SCN3A: variants seen among roughly 807,000 people sequenced by gnomAD.
SCN3A encodes the protein sodium channel protein type 3 subunit alpha.
In SCN3A, 60 loss-of-function variants were observed where a neutral mutation model predicts 187.6. The ratio of observed to expected loss-of-function variants is 0.32; its 90% CI spans 0.26 to 0.40. SCN3A has a LOEUF of 0.40. Ranked by LOEUF, SCN3A falls within the 10% of genes least tolerant of loss-of-function variation. SCN3A has a pLI of 1.00. For missense variants in SCN3A, 1,601 were observed against 2,428.2 expected (o/e 0.66, Z 7.16); for synonymous variants, 788 against 829.2 (o/e 0.95, Z 0.85).
intron 21 of SCN3A, among the ~76,000 whole-genome samples, chr2:165,103,108 T>G (rs1685684492): frequency 6.6e-6 from 1 of 152,214 alleles, no homozygotes; most frequent in Admixed American, 6.5e-5. Flanking sequence ...TTAACTGATG[T>G]GAAAAAATAT....
Position 165,176,141 on chromosome 2 carries a change from A to G in SCN3A, c.254T>C (p.Ile85Thr). ...AAAATCAATACTCACTTTCTTATTGATATAGTAGGGATCCAGGTCCTCCAG... is the reference window on the plus strand; with the variant it reads ...AAAATCAATACTCACTTTCTTATTGGTATAGTAGGGATCCAGGTCCTCCAG... ...EPLEDLDPYY[I>T]NKKTFIVMNK... is the part of the protein sequence containing the mutation. The change falls in exon 3 of 28, where the codon ATC (isoleucine) becomes ACC (threonine). Residue 85 changes from isoleucine to threonine, a missense_variant. Transcript: ENST00000283254. 1 of 1,613,430 alleles carries G rather than the reference A, an allele frequency of 6.2e-7. No individual in the cohort carries two copies. Among genetic ancestry groups the G allele is most frequent in the Non-Finnish European group, 8.5e-7 (1 of 1,179,464 alleles).
chr2:165,170,338 G>T (rs975501971), intron 4 of SCN3A, 92 bp downstream of exon 4: 1 of 812,462 alleles, frequency 1.2e-6, no homozygotes, highest in African/African-American at 1.7e-5. Context: ...TAATCTCAAA[G>T]AAATTTTACA....
Position 165,096,467 on chromosome 2 carries a change from A to G in SCN3A, c.4293T>C (p.Asp1431=), listed in dbSNP as rs1217716822. ...DIMYAAVDSR[D]VKLQPVYEEN... ...TAAATAATATTTGAGTGATACTTAC[A>G]TCTCGTGAATCAACAGCTGCATACA... Residue 1431 remains aspartate (D), a splice_region_variant and synonymous_variant, in exon 24 of 28, where the codon GAT becomes GAC. Coordinates refer to ENST00000283254, the MANE Select transcript of SCN3A (RefSeq NM_006922.4). The G allele has an allele frequency of 6.2e-7, 1 of 1,608,334 alleles. No individual in the cohort carries two copies. Among genetic ancestry groups the G allele is most frequent in the Non-Finnish European group, 8.5e-7 (1 of 1,175,006 alleles).
chr2:165,135,438 G>A (rs987450079), intron 15 of SCN3A, among the ~76,000 whole-genome samples: 1 of 152,032 alleles, frequency 6.6e-6, no homozygotes, highest in Non-Finnish European at 1.5e-5. Context: ...AGAACATAAA[G>A]CAGTATGCAA....
chr2:165,116,215 A>G (rs1346822903), intron 18 of SCN3A, among the ~76,000 whole-genome samples: 3 of 152,158 alleles, frequency 2.0e-5, no homozygotes, highest in Admixed American at 6.5e-5. Context: ...ACTGAATTCA[A>G]TACTTGTCAA....
Position 165,098,017 on chromosome 2 carries a change from T to G in SCN3A, c.3967-493A>C, listed in dbSNP as rs189122797. ...TTTTTATGACTACGAAGAACAGGAT[T>G]AGGAATTTACTGGGTCCCTTTTTCC... is the stretch of plus-strand genomic sequence containing the variant. On this transcript the variant is annotated intron_variant, in intron 22 of 27. Coordinates refer to ENST00000283254, the MANE Select transcript of SCN3A (RefSeq NM_006922.4). Among the ~76,000 whole-genome samples, 11 of 152,308 alleles carry G rather than the reference T, an allele frequency of 7.2e-5. No individual in the cohort carries two copies. In the East Asian group the frequency reaches 2.1e-3, roughly 29 times the overall value.
At chr2:165,150,558 C>T (rs1485893866) in intron 11 of SCN3A, among the ~76,000 whole-genome samples, 1 of 152,136 alleles carries the variant, frequency 6.6e-6, no homozygotes, top group Non-Finnish European at 1.5e-5. Flanking sequence ...AAAGCTGAAT[C>T]AAATTGTGAT....
At chr2:165,102,379 G>A (rs1405985549) in intron 21 of SCN3A, among the ~76,000 whole-genome samples, 1 of 152,156 alleles carries the variant, frequency 6.6e-6, no homozygotes, top group African/African-American at 2.4e-5. Context: ...AGCCAGGGAT[G>A]GTGGCTCGCA....
At chr2:165,165,274 A>C (rs75878187) in intron 5 of SCN3A, among the ~76,000 whole-genome samples, 3,992 of 150,656 alleles carry the variant, frequency 0.026, 71 homozygotes, top group Non-Finnish European at 0.042. Context: ...GTGCATGAGC[A>C]TGCTGTATAG....
At chr2:165,195,008 T>C (rs1691859168) in intron 1 of SCN3A, 1 of 152,162 alleles carries the variant, frequency 6.6e-6, no homozygotes, top group Non-Finnish European at 1.5e-5. Flanking sequence ...AAAAGGTCTC[T>C]GCACATAAGG....
chr2:165,125,619 G>T (rs1409181236), intron 18 of SCN3A, among the ~76,000 whole-genome samples: 1 of 152,096 alleles, frequency 6.6e-6, no homozygotes, highest in Admixed American at 6.5e-5. Context: ...ACCCAGCCAG[G>T]ATTAAAGTTT....
At chr2:165,142,581 G>C (rs1200348903) in intron 12 of SCN3A, among the ~76,000 whole-genome samples, 2 of 152,328 alleles carry the variant, frequency 1.3e-5, no homozygotes, top group Admixed American at 1.3e-4. Flanking sequence ...AGACAATAGA[G>C]TGATTTTACA....
At chr2:165,178,077 C>T (rs888542059) in intron 2 of SCN3A, among the ~76,000 whole-genome samples, 5 of 152,094 alleles carry the variant, frequency 3.3e-5, no homozygotes, top group Admixed American at 2.0e-4. Flanking sequence ...TTTGAGCTTA[C>T]AATCAGAAGC....
At chr2:165,175,523 C>T (rs1392889468) in intron 3 of SCN3A, among the ~76,000 whole-genome samples, 2 of 151,286 alleles carry the variant, frequency 1.3e-5, no homozygotes, top group African/African-American at 4.9e-5. Flanking sequence ...TTTTTTTCTT[C>T]AGGGTGATGT....
At chr2:165,130,576 G>C in intron 16 of SCN3A, 1 of 405,110 alleles carries the variant, frequency 2.5e-6, no homozygotes, top group African/African-American at 2.0e-5. Flanking sequence ...GTAAACAAAT[G>C]GTATTTTGAT....
At chr2:165,187,325 T>C (rs571102875) in intron 1 of SCN3A, among the ~76,000 whole-genome samples, 2 of 152,322 alleles carry the variant, frequency 1.3e-5, no homozygotes, top group East Asian at 3.9e-4. Flanking sequence ...TTAACCTAAA[T>C]GTAATAACCA....
At chr2:165,171,476 T>C (rs1161407831) in intron 3 of SCN3A, among the ~76,000 whole-genome samples, 1 of 152,092 alleles carries the variant, frequency 6.6e-6, no homozygotes, top group Non-Finnish European at 1.5e-5. Context: ...CCTGCCTGAA[T>C]ATTAGGCTGT....
Position 165,095,045 on chromosome 2 carries a change from T to G in SCN3A, c.4431+466A>C, listed in dbSNP as rs565177715. Among the ~76,000 whole-genome samples the G allele has an allele frequency of 3.3e-5, 5 of 152,042 alleles. No homozygotes were observed. In the South Asian group the frequency reaches 1.0e-3, roughly 32 times the overall value. ...CTAGGCCTTAAAAGATGATTATGGG[T>G]TTTCTAGGAACATTCCAGGATAAAA... is the stretch of plus-strand genomic sequence containing the variant. On this transcript the variant is annotated intron_variant, in intron 25 of 27. Coordinates refer to ENST00000283254, the MANE Select transcript of SCN3A (RefSeq NM_006922.4).
intron 2 of SCN3A, among the ~76,000 whole-genome samples, chr2:165,185,015 T>C (rs1243603454): frequency 5.3e-5 from 8 of 152,066 alleles, no homozygotes; most frequent in Admixed American, 4.6e-4. Context: ...TTTAACGAGA[T>C]GATCTATTTC....
Sources: allele counts gnomAD v4.1 joint callset (sites outside exome capture counted in the v4.1 genomes callset), GRCh38; gene constraint gnomAD v4.1.1; transcripts MANE v1.5; gene names NCBI Gene and HGNC (gene_info 2026-07-23, HGNC 2026-07-21).